Variants in GLIS3 observed in about 807,000 individuals in gnomAD.
GLIS3 encodes the protein GLIS family zinc finger 3, also known as zinc finger protein GLIS3.
GLIS3 carries 53 observed loss-of-function variants against 78.6 expected under a neutral mutation model. That is an observed-to-expected ratio of 0.67 (90% CI 0.54 to 0.85). GLIS3 has a LOEUF of 0.85. GLIS3 is among the 40% of genes least tolerant of loss of function. The probability of loss-of-function intolerance (pLI) is 0.00; values close to 1 mark genes in which losing one functional copy is unlikely to be tolerated. For synonymous variants in GLIS3, 684 were observed against 509.9 expected (o/e 1.34, Z -4.60); for missense variants, 1,703 against 1,231.1 (o/e 1.38, Z -5.74).
intron 8 of GLIS3, chr9:3,878,534 A>G (rs1821481753): frequency 6.6e-6 from 1 of 152,184 alleles, no homozygotes; most frequent in Non-Finnish European, 1.5e-5. Context: ...TTCACCAGTA[A>G]TCTCTAAGTT....
At chr9:3,936,688 T>C (rs1825916156) in intron 5 of GLIS3, among the ~76,000 whole-genome samples, 1 of 152,058 alleles carries the variant, frequency 6.6e-6, no homozygotes, top group Admixed American at 6.5e-5. Flanking sequence ...ACTTGATATC[T>C]CAATACTGTT....
the GLIS3 span, among the ~76,000 whole-genome samples, chr9:4,384,740 G>A: frequency 6.0e-3 from 914 of 152,132 alleles, 5 homozygotes; most frequent in Non-Finnish European, 0.01. Flanking sequence ...TCCTTCACCA[G>A]CTGGTTAATA....
chr9:3,829,248 C>T lies in GLIS3; in HGVS notation c.2656+62G>A, dbSNP rs1246744846. ...ACGTCCAGCCCAGGTCGGTCACGGG[C>T]AGCCCACCTGGTCTCTCCTGTCAGT... is the stretch of plus-strand genomic sequence containing the variant. On this transcript the variant is annotated intron_variant, in intron 10 of 10. Transcript: ENST00000381971. 9.4e-6 allele frequency: 14 copies of T among 1,490,762 alleles called. 1 individual carries two copies. The East Asian group carries it at 2.9e-4, about 31-fold the overall frequency. The allele number at this position is 1,490,762 out of a possible 1,614,324, so 92.3% of individuals were successfully genotyped here.
the GLIS3 span, among the ~76,000 whole-genome samples, chr9:4,407,408 G>A: frequency 6.6e-6 from 1 of 152,254 alleles, no homozygotes; most frequent in African/African-American, 2.4e-5. Flanking sequence ...CACTTCGGGA[G>A]GCCGAGGCAG....
chr9:4,089,373 A>C (rs886309193), intron 4 of GLIS3, among the ~76,000 whole-genome samples: 1 of 152,242 alleles, frequency 6.6e-6, no homozygotes, highest in Non-Finnish European at 1.5e-5. Flanking sequence ...AAACGTTTTA[A>C]GAGAAAATGT....
intron 7 of GLIS3, among the ~76,000 whole-genome samples, chr9:3,896,670 T>TAATTAAAAAAAAAAAA (rs756694471): frequency 1.2e-4 from 6 of 50,002 alleles, no homozygotes; most frequent in African/African-American, 3.3e-4. Flanking sequence ...CCATCTCAAT[T>TAATTAAAAAAAAAAAA]AAAAAAAAAA....
rs1259000518 is a variant in GLIS3 at position 4,117,854 on chromosome 9, G to C, written c.1624C>G (p.Pro542Ala). 6.2e-7 allele frequency: 1 copy of C among 1,614,114 alleles called. No homozygotes were observed. Among genetic ancestry groups the C allele is most frequent in the Non-Finnish European group, 8.5e-7 (1 of 1,180,016 alleles). Residue 542 changes from proline to alanine, a missense_variant, in exon 4 of 11, where the codon CCT becomes GCT. By Grantham distance (27) the Pro-to-Ala change is conservative (BLOSUM62 -1). Coordinates refer to ENST00000381971, the MANE Select transcript of GLIS3 (RefSeq NM_001042413.2). Reference sequence around the variant, plus strand: ...GCGTTGAAGGGCTTGTATCTTCGAGGGCAACCGGCCCAGAAGCAAGTGAAG... The same window carrying C: ...GCGTTGAAGGGCTTGTATCTTCGAGCGCAACCGGCCCAGAAGCAAGTGAAG... ...EDFTCFWAGC[P>A]RRYKPFNARY...
chr9:4,066,469 G>T (rs986661999), intron 4 of GLIS3, among the ~76,000 whole-genome samples: 3 of 152,162 alleles, frequency 2.0e-5, no homozygotes, highest in African/African-American at 7.2e-5. Context: ...CCAGCCCAGA[G>T]GAGAAGCTCC....
intron 2 of GLIS3, among the ~76,000 whole-genome samples, chr9:4,338,262 AAC>A (rs1438252305): frequency 6.6e-6 from 1 of 152,108 alleles, no homozygotes; most frequent in Non-Finnish European, 1.5e-5. Flanking sequence ...AGCTTGTTAA[AAC>A]ACAGCTTTCA....
intron 4 of GLIS3, chr9:4,035,799 T>C (rs73641297): frequency 0.037 from 5,581 of 152,442 alleles, 344 homozygotes; most frequent in African/African-American, 0.13. Flanking sequence ...CAAACGATTG[T>C]ATCCCTGCCC....
chr9:4,167,726 CCTTTCACTGAA>C (rs758479043), intron 2 of GLIS3, among the ~76,000 whole-genome samples: 6 of 152,216 alleles, frequency 3.9e-5, no homozygotes, highest in Non-Finnish European at 5.9e-5. Flanking sequence ...CACTCACGTT[CCTTTCACTGAA>C]CTTTCACTGC....
At chr9:4,179,591 A>G (rs1817114611) in intron 2 of GLIS3, among the ~76,000 whole-genome samples, 1 of 152,174 alleles carries the variant, frequency 6.6e-6, no homozygotes, top group Non-Finnish European at 1.5e-5. Flanking sequence ...GAAGAAATAT[A>G]AGCCTTTAAA....
At chr9:4,278,893 T>C (rs1476784661) in intron 2 of GLIS3, among the ~76,000 whole-genome samples, 1 of 152,244 alleles carries the variant, frequency 6.6e-6, no homozygotes, top group Non-Finnish European at 1.5e-5. Flanking sequence ...CAATGTGTGG[T>C]ACACAAATCA....
At chr9:4,402,592 C>T in the GLIS3 span, among the ~76,000 whole-genome samples, 2 of 152,058 alleles carry the variant, frequency 1.3e-5, no homozygotes, top group African/African-American at 4.8e-5. Flanking sequence ...AGAAGGAATT[C>T]AGAATTCTAT....
At chr9:4,141,804 A>G (rs1027360402) in intron 2 of GLIS3, among the ~76,000 whole-genome samples, 3 of 152,250 alleles carry the variant, frequency 2.0e-5, no homozygotes, top group African/African-American at 7.2e-5. Context: ...ATACCAAAAT[A>G]TAAAAATACA....
intron 2 of GLIS3, among the ~76,000 whole-genome samples, chr9:4,176,428 G>C (rs1289150567): frequency 2.0e-5 from 3 of 152,034 alleles, no homozygotes; most frequent in African/African-American, 4.8e-5. Flanking sequence ...TGTTCATCTA[G>C]TTGTACTTTA....
At chr9:4,156,176 T>C (rs983416832) in intron 2 of GLIS3, among the ~76,000 whole-genome samples, 4 of 152,100 alleles carry the variant, frequency 2.6e-5, no homozygotes, top group Non-Finnish European at 5.9e-5. Context: ...AAGCCTTCCT[T>C]CACTCTTCCA....
chr9:4,468,727 A>G, the GLIS3 span, among the ~76,000 whole-genome samples: 2,469 of 152,320 alleles, frequency 0.016, 59 homozygotes, highest in African/African-American at 0.056. Context: ...AACTGCATCA[A>G]ATAATGAGCA....
At chr9:4,201,603 A>G (rs578132472) in intron 2 of GLIS3, among the ~76,000 whole-genome samples, 2 of 152,340 alleles carry the variant, frequency 1.3e-5, no homozygotes, top group East Asian at 1.9e-4. Context: ...CAAAGAATAC[A>G]ATACCCAGGA....
Sources: allele counts gnomAD v4.1 joint callset (sites outside exome capture counted in the v4.1 genomes callset), GRCh38; gene constraint gnomAD v4.1.1; transcripts MANE v1.5; gene names NCBI Gene and HGNC (gene_info 2026-07-23, HGNC 2026-07-21).